The following SLC39A11 variants were observed in gnomAD, a reference collection of about 807,000 sequenced individuals.
SLC39A11 encodes solute carrier family 39 member 11.
Under a neutral mutation model 36.1 loss-of-function variants are expected in SLC39A11, and 33 were observed. The observed-to-expected ratio is 0.91, with a 90% CI of 0.69 to 1.22. The LOEUF (loss-of-function observed/expected upper bound fraction) is 1.22. Ranked by LOEUF, SLC39A11 falls within the 50% of genes most tolerant of loss-of-function variation. The probability of loss-of-function intolerance (pLI) is 0.00; values close to 1 mark genes in which losing one functional copy is unlikely to be tolerated. For missense variants in SLC39A11, 432 were observed against 430.3 expected (o/e 1.00, Z -0.03); for synonymous variants, 166 against 170.3 (o/e 0.97, Z 0.20).
At chr17:73,036,748 G>C (rs2058929820) in intron 3 of SLC39A11, among the ~76,000 whole-genome samples, 1 of 152,014 alleles carries the variant, frequency 6.6e-6, no homozygotes, top group Admixed American at 6.6e-5. Context: ...CGACCAGCTG[G>C]TCCATAGTTT....
chr17:72,969,720 C>T (rs1403637071), intron 4 of SLC39A11, among the ~76,000 whole-genome samples: 2 of 152,186 alleles, frequency 1.3e-5, no homozygotes, highest in Non-Finnish European at 2.9e-5. Context: ...GAAGGAAACA[C>T]ACCCAACTCA....
At chr17:73,029,684 C>A (rs1000713570) in intron 4 of SLC39A11, among the ~76,000 whole-genome samples, 2 of 151,898 alleles carry the variant, frequency 1.3e-5, no homozygotes, top group Admixed American at 6.6e-5. Flanking sequence ...CAGGTTCAAG[C>A]GATTCTCATG....
intron 6 of SLC39A11, among the ~76,000 whole-genome samples, chr17:72,775,776 G>A (rs934586304): frequency 6.6e-6 from 1 of 152,180 alleles, no homozygotes; most frequent in Non-Finnish European, 1.5e-5. Context: ...CTTCTCTGGG[G>A]TCCAGCGATT....
chr17:72,737,731 G>C (rs2074492161), intron 6 of SLC39A11, among the ~76,000 whole-genome samples: 1 of 152,120 alleles, frequency 6.6e-6, no homozygotes, highest in Non-Finnish European at 1.5e-5. Flanking sequence ...CATTACTCTG[G>C]AAGGAACATC....
chr17:72,996,987 C>T (rs1270778504), intron 4 of SLC39A11, among the ~76,000 whole-genome samples: 2 of 152,072 alleles, frequency 1.3e-5, no homozygotes, highest in Admixed American at 6.5e-5. Flanking sequence ...TGGGGCAGAG[C>T]CACCCTCCCC....
At chr17:72,675,769 C>T (rs1026300080) in intron 7 of SLC39A11, among the ~76,000 whole-genome samples, 13 of 152,296 alleles carry the variant, frequency 8.5e-5, no homozygotes, top group African/African-American at 2.6e-4. Context: ...CCGCAACCTC[C>T]GCCTCCTGGG....
At chr17:72,992,381 A>C (rs991795038) in intron 4 of SLC39A11, among the ~76,000 whole-genome samples, 1 of 152,180 alleles carries the variant, frequency 6.6e-6, no homozygotes, top group African/African-American at 2.4e-5. Flanking sequence ...AAGAAAAACA[A>C]AATAATTTAA....
intron 3 of SLC39A11, among the ~76,000 whole-genome samples, chr17:73,039,121 T>G (rs371739686): frequency 6.6e-5 from 10 of 152,266 alleles, no homozygotes; most frequent in African/African-American, 2.4e-4. Context: ...CAGCTCAGTT[T>G]TGTCACCTGA....
chr17:72,968,797 G>A (rs913312740), intron 4 of SLC39A11, among the ~76,000 whole-genome samples: 9 of 152,224 alleles, frequency 5.9e-5, no homozygotes, highest in Non-Finnish European at 1.0e-4. Context: ...TTCTACACAC[G>A]TGCGGACGAC....
At chr17:72,963,122 G>C (rs1324835331) in intron 4 of SLC39A11, among the ~76,000 whole-genome samples, 3 of 151,770 alleles carry the variant, frequency 2.0e-5, no homozygotes, top group Non-Finnish European at 4.4e-5. Context: ...CACAGGGAGG[G>C]GCTTCTAGGG....
intron 7 of SLC39A11, among the ~76,000 whole-genome samples, chr17:72,674,585 G>A (rs576828815): frequency 1.3e-5 from 2 of 152,174 alleles, no homozygotes; most frequent in Non-Finnish European, 2.9e-5. Context: ...GGATCAAAAA[G>A]GAAATGCGTA....
chr17:73,026,249 T>A (rs1468703982), intron 4 of SLC39A11, among the ~76,000 whole-genome samples: 1 of 43,272 alleles, frequency 2.3e-5, no homozygotes, highest in African/African-American at 7.8e-5. Context: ...AAAAGCCGGC[T>A]GTGGTGGCTC....
At chr17:72,707,453 A>T (rs946797696) in intron 7 of SLC39A11, among the ~76,000 whole-genome samples, 2 of 152,190 alleles carry the variant, frequency 1.3e-5, no homozygotes, top group Non-Finnish European at 2.9e-5. Context: ...AAGTTTTGCT[A>T]TATTGATTAC....
intron 4 of SLC39A11, chr17:72,993,012 G>A (rs1037484854): frequency 6.6e-6 from 1 of 152,172 alleles, no homozygotes; most frequent in Non-Finnish European, 1.5e-5. Context: ...ATCAGATCTT[G>A]TGAGACTTAT....
intron 4 of SLC39A11, among the ~76,000 whole-genome samples, chr17:72,950,257 C>A (rs530653264): frequency 3.2e-4 from 48 of 152,332 alleles, no homozygotes; most frequent in Non-Finnish European, 5.7e-4. Flanking sequence ...AAAAAGCCTC[C>A]TGCCCCTGTT....
At chr17:72,915,492 G>C (rs1324164837) in intron 5 of SLC39A11, among the ~76,000 whole-genome samples, 1 of 152,160 alleles carries the variant, frequency 6.6e-6, no homozygotes, top group Non-Finnish European at 1.5e-5. Context: ...CGTGGGCCTG[G>C]CATGACATGG....
intron 6 of SLC39A11, among the ~76,000 whole-genome samples, chr17:72,801,477 T>G (rs2077083005): frequency 6.6e-6 from 1 of 152,222 alleles, no homozygotes; most frequent in Admixed American, 6.5e-5. Context: ...TCCTCCCGCC[T>G]CAGCCTCCCA....
chr17:72,866,093 A>G (rs1460850212), intron 5 of SLC39A11, among the ~76,000 whole-genome samples: 1 of 152,188 alleles, frequency 6.6e-6, no homozygotes, highest in Non-Finnish European at 1.5e-5. Flanking sequence ...GCAGGGGGTG[A>G]GCGGCAGGCA....
At chr17:72,758,236 TAGTC>T (rs1039387309) in intron 6 of SLC39A11, among the ~76,000 whole-genome samples, 3 of 152,140 alleles carry the variant, frequency 2.0e-5, no homozygotes, top group African/African-American at 4.8e-5. Flanking sequence ...TTGGATCAAT[TAGTC>T]AGTCAAAGAT....
Sources: gnomAD v4.1 joint callset for allele counts (sites outside exome capture counted in the v4.1 genomes callset) on GRCh38, gnomAD v4.1.1 for gene constraint, MANE v1.5 for transcripts, NCBI Gene and HGNC (gene_info 2026-07-23, HGNC 2026-07-21) for gene names.